Variants in KSR1 observed in about 807,000 individuals in gnomAD.
The protein encoded by KSR1 is kinase suppressor of ras.
KSR1 carries 35 observed loss-of-function variants against 92.9 expected under a neutral mutation model. The ratio of observed to expected loss-of-function variants is 0.38; its 90% CI spans 0.29 to 0.50. The LOEUF (loss-of-function observed/expected upper bound fraction) is 0.50. Among genes scored for constraint, KSR1 ranks in the 20% least tolerant of loss-of-function variants. The pLI, the probability that KSR1 is intolerant of heterozygous loss-of-function variation, is 0.94. For missense variants in KSR1, 972 were observed against 1,158.5 expected, an observed-to-expected ratio of 0.84 and a Z score of 2.34; for synonymous variants, 467 against 472.6, an observed-to-expected ratio of 0.99 and a Z score of 0.15.
At chr17:27,619,053 C>T (rs992704400) in intron 19 of KSR1, among the ~76,000 whole-genome samples, 3 of 152,206 alleles carry the variant, frequency 2.0e-5, no homozygotes, top group East Asian at 1.9e-4. Context: ...CACAGAGTCC[C>T]GCTCTATAAA....
intron 2 of KSR1, among the ~76,000 whole-genome samples, chr17:27,556,826 G>C (rs117606979): frequency 1.3e-5 from 2 of 152,222 alleles, no homozygotes; most frequent in African/African-American, 4.8e-5. Context: ...GCCTTCATGG[G>C]TTGGTGTGGC....
At chr17:27,601,295 A>G in intron 10 of KSR1, 65 bp from the exon 11 acceptor site, 1 of 1,435,204 alleles carries the variant, frequency 7.0e-7, no homozygotes, top group Non-Finnish European at 9.8e-7. Context: ...GGTACCTGCA[A>G]TTCCGCTCCT....
intron 19 of KSR1, among the ~76,000 whole-genome samples, chr17:27,620,589 G>C (rs569687470): frequency 1.3e-5 from 2 of 152,190 alleles, no homozygotes; most frequent in South Asian, 4.1e-4. Flanking sequence ...GGGGACAGGA[G>C]GAAGAGTCTC....
intron 1 of KSR1, among the ~76,000 whole-genome samples, chr17:27,470,240 G>GGT (rs1238054842): frequency 1.9e-4 from 22 of 114,396 alleles, no homozygotes; most frequent in African/African-American, 7.1e-4. Flanking sequence ...TTTTGTTTGT[G>GGT]TTTTTTTTTT....
chr17:27,608,230 A>G (rs1041297542), intron 15 of KSR1, among the ~76,000 whole-genome samples: 1 of 152,304 alleles, frequency 6.6e-6, no homozygotes, highest in Non-Finnish European at 1.5e-5. Context: ...GCTTGATGGA[A>G]TTGACTTGGT....
chr17:27,460,989 T>C (rs1427261752), intron 1 of KSR1, among the ~76,000 whole-genome samples: 1 of 152,214 alleles, frequency 6.6e-6, no homozygotes, highest in Non-Finnish European at 1.5e-5. Context: ...ATGACTTTAG[T>C]AGCACAGCTT....
intron 10 of KSR1, among the ~76,000 whole-genome samples, chr17:27,600,047 G>A (rs1472602222): frequency 1.3e-5 from 2 of 150,902 alleles, no homozygotes; most frequent in Non-Finnish European, 2.9e-5. Context: ...GCCACCTTCT[G>A]GATACCTCCT....
intron 4 of KSR1, chr17:27,583,902 T>A: frequency 1.3e-6 from 1 of 791,390 alleles, no homozygotes; most frequent in African/African-American, 1.9e-5. Flanking sequence ...CCACCATTTT[T>A]ATTCAGTCAC....
At chr17:27,614,604 A>G (rs2074007650) in intron 18 of KSR1, among the ~76,000 whole-genome samples, 1 of 152,204 alleles carries the variant, frequency 6.6e-6, no homozygotes, top group African/African-American at 2.4e-5. Context: ...TCCCCCACAG[A>G]GGTACCAATT....
At chr17:27,604,137 G>C (rs899556828) in intron 12 of KSR1, among the ~76,000 whole-genome samples, 1 of 152,202 alleles carries the variant, frequency 6.6e-6, no homozygotes, top group African/African-American at 2.4e-5. Flanking sequence ...GGGTTGGATA[G>C]AGGGCATTTG....
At chr17:27,552,017 T>G (rs1321862505) in intron 2 of KSR1, among the ~76,000 whole-genome samples, 1 of 152,214 alleles carries the variant, frequency 6.6e-6, no homozygotes, top group East Asian at 1.9e-4. Context: ...CGGTAGACTC[T>G]AACCTTTGCA....
chr17:27,616,365 A>T (rs1351829955), intron 18 of KSR1, among the ~76,000 whole-genome samples: 1 of 152,066 alleles, frequency 6.6e-6, no homozygotes, highest in African/African-American at 2.4e-5. Context: ...CTTGATTTTT[A>T]TCTTCCAGCA....
intron 9 of KSR1, among the ~76,000 whole-genome samples, chr17:27,595,247 C>A (rs1330348451): frequency 1.3e-5 from 2 of 152,244 alleles, no homozygotes; most frequent in Non-Finnish European, 2.9e-5. Context: ...AGGGTCCTGC[C>A]TAATGTAGAA....
intron 1 of KSR1, among the ~76,000 whole-genome samples, chr17:27,517,829 A>G (rs2151014588): frequency 6.6e-6 from 1 of 152,230 alleles, no homozygotes; most frequent in Non-Finnish European, 1.5e-5. Flanking sequence ...TTGGGTCCCT[A>G]TGTTATGTAA....
chr17:27,491,720 A>C (rs1285871561), intron 1 of KSR1, among the ~76,000 whole-genome samples: 1 of 152,066 alleles, frequency 6.6e-6, no homozygotes, highest in Non-Finnish European at 1.5e-5. Flanking sequence ...GAGGTGAGAA[A>C]ATGACTCACA....
At chr17:27,511,075 TA>T (rs1008146098) in intron 1 of KSR1, among the ~76,000 whole-genome samples, 4 of 152,238 alleles carry the variant, frequency 2.6e-5, no homozygotes, top group Non-Finnish European at 5.9e-5. Flanking sequence ...CTAGAAGCTC[TA>T]AAAACACCTT....
At chr17:27,548,846 A>G (rs1223924453) in intron 1 of KSR1, among the ~76,000 whole-genome samples, 1 of 152,004 alleles carries the variant, frequency 6.6e-6, no homozygotes, top group East Asian at 1.9e-4. Context: ...AAAGAAAAAT[A>G]TAGTGAGATA....
At chr17:27,564,936 T>G (rs2072003862) in intron 2 of KSR1, among the ~76,000 whole-genome samples, 3 of 152,124 alleles carry the variant, frequency 2.0e-5, no homozygotes, top group Admixed American at 2.0e-4. Flanking sequence ...CACCCTCCAG[T>G]TTTTGTTTTT....
At chr17:27,464,583 G>A (rs554276443) in intron 1 of KSR1, among the ~76,000 whole-genome samples, 2 of 152,092 alleles carry the variant, frequency 1.3e-5, no homozygotes, top group Admixed American at 1.3e-4. Context: ...AGCCAGGGGT[G>A]GTTGTGCACA....
Sources: gnomAD v4.1 joint callset for allele counts (sites outside exome capture counted in the v4.1 genomes callset) on GRCh38, gnomAD v4.1.1 for gene constraint, MANE v1.5 for transcripts, NCBI Gene and HGNC (gene_info 2026-07-23, HGNC 2026-07-21) for gene names.